CNBD1: variants seen among roughly 807,000 people sequenced by gnomAD.
CNBD1 encodes cyclic nucleotide binding domain containing 1.
In CNBD1, 71 loss-of-function variants were observed where a neutral mutation model predicts 54.4. That is an observed-to-expected ratio of 1.30 (90% CI 1.08 to 1.59). CNBD1 has a LOEUF of 1.59. Among genes scored for constraint, CNBD1 ranks in the 40% most tolerant of loss-of-function variants. CNBD1 has a pLI of 0.00. For missense variants in CNBD1, 659 were observed against 518.0 expected (o/e 1.27, Z -2.64); for synonymous variants, 182 against 170.7 (o/e 1.07, Z -0.51).
chr8:87,137,781 A>T (rs1010851776), intron 4 of CNBD1, among the ~76,000 whole-genome samples: 1 of 152,136 alleles, frequency 6.6e-6, no homozygotes. Flanking sequence ...GTTTGATTCA[A>T]AACAGTTATA....
intron 4 of CNBD1, among the ~76,000 whole-genome samples, chr8:87,015,354 T>C (rs528724211): frequency 8.2e-4 from 124 of 152,118 alleles, no homozygotes; most frequent in South Asian, 3.5e-3. Context: ...AGCTAACTTT[T>C]TTTTGTATTT....
At chr8:87,047,117 T>A (rs1018442820) in intron 4 of CNBD1, among the ~76,000 whole-genome samples, 1 of 152,096 alleles carries the variant, frequency 6.6e-6, no homozygotes, top group Non-Finnish European at 1.5e-5. Flanking sequence ...CTTTTAGAGA[T>A]TGTAAGTGTA....
At chr8:86,981,651 A>G (rs1233073841) in intron 4 of CNBD1, among the ~76,000 whole-genome samples, 1 of 152,164 alleles carries the variant, frequency 6.6e-6, no homozygotes, top group Non-Finnish European at 1.5e-5. Flanking sequence ...TTTAAACAGA[A>G]TCATATAGTG....
intron 2 of CNBD1, among the ~76,000 whole-genome samples, chr8:87,388,493 A>G (rs974391051): frequency 6.6e-6 from 1 of 152,228 alleles, no homozygotes; most frequent in Non-Finnish European, 1.5e-5. Context: ...ATAAACTAGA[A>G]AATCTAGAAG....
chr8:87,247,183 A>G (rs1027019902), intron 6 of CNBD1, among the ~76,000 whole-genome samples: 2 of 152,174 alleles, frequency 1.3e-5, no homozygotes, highest in African/African-American at 4.8e-5. Flanking sequence ...CATACTTTTA[A>G]GGCCACCATC....
intron 6 of CNBD1, among the ~76,000 whole-genome samples, chr8:87,240,564 T>C (rs540722305): frequency 6.6e-6 from 1 of 152,302 alleles, no homozygotes; most frequent in South Asian, 2.1e-4. Flanking sequence ...ACTTTCATGC[T>C]TGATACTCAG....
At chr8:87,211,026 G>A (rs1368478722) in intron 5 of CNBD1, among the ~76,000 whole-genome samples, 2 of 152,114 alleles carry the variant, frequency 1.3e-5, no homozygotes, top group Non-Finnish European at 2.9e-5. Context: ...GCAGAGACAT[G>A]GGGGCAGAGC....
intron 4 of CNBD1, among the ~76,000 whole-genome samples, chr8:86,999,716 C>A (rs954714964): frequency 4.6e-5 from 7 of 152,126 alleles, no homozygotes; most frequent in African/African-American, 1.7e-4. Context: ...ATATAAAACT[C>A]TAAAGTTTAT....
intron 1 of CNBD1, among the ~76,000 whole-genome samples, chr8:86,885,705 C>CA (rs1281621604): frequency 1.3e-5 from 2 of 152,128 alleles, no homozygotes; most frequent in East Asian, 3.9e-4. Flanking sequence ...CAACACCCTC[C>CA]ACGGAAAGAG....
At chr8:86,869,243 G>A (rs1424931918) in intron 1 of CNBD1, among the ~76,000 whole-genome samples, 1 of 152,142 alleles carries the variant, frequency 6.6e-6, no homozygotes, top group Non-Finnish European at 1.5e-5. Context: ...ACGTGTTCCA[G>A]TTTACACTTA....
At chr8:87,269,585 A>G (rs1039979758) in intron 6 of CNBD1, among the ~76,000 whole-genome samples, 2 of 151,986 alleles carry the variant, frequency 1.3e-5, no homozygotes, top group African/African-American at 2.4e-5. Context: ...TGTGTCATCT[A>G]TGATTTCTTT....
At chr8:87,417,925 C>T (rs1337372791) in intron 2 of CNBD1, among the ~76,000 whole-genome samples, 1 of 151,734 alleles carries the variant, frequency 6.6e-6, no homozygotes, top group Admixed American at 6.6e-5. Context: ...AATAGAAAGA[C>T]ATTGTATGTT....
At chr8:87,274,942 A>G (rs1808443578) in intron 6 of CNBD1, among the ~76,000 whole-genome samples, 1 of 133,578 alleles carries the variant, frequency 7.5e-6, no homozygotes, top group East Asian at 2.0e-4. Context: ...TCTTGAATTG[A>G]TTTTTGTATA....
intron 4 of CNBD1, among the ~76,000 whole-genome samples, chr8:87,137,526 C>A (rs929334870): frequency 6.6e-6 from 1 of 151,986 alleles, no homozygotes; most frequent in Non-Finnish European, 1.5e-5. Flanking sequence ...ATCTTGAAAA[C>A]AAACTTATAA....
At chr8:87,398,649 C>T (rs1382703516) in intron 2 of CNBD1, among the ~76,000 whole-genome samples, 2 of 152,004 alleles carry the variant, frequency 1.3e-5, no homozygotes, top group African/African-American at 4.8e-5. Context: ...TTATATTCCA[C>T]ACATGCCTTT....
At chr8:86,870,523 T>C (rs1487763347) in intron 1 of CNBD1, among the ~76,000 whole-genome samples, 1 of 152,114 alleles carries the variant, frequency 6.6e-6, no homozygotes, top group Admixed American at 6.5e-5. Context: ...TAAGCGAATG[T>C]TTTTCTTCGC....
At chr8:86,920,864 G>A (rs998012093) in intron 3 of CNBD1, among the ~76,000 whole-genome samples, 1 of 148,106 alleles carries the variant, frequency 6.8e-6, no homozygotes, top group African/African-American at 2.5e-5. Flanking sequence ...ATGATGAAGG[G>A]CTTCTCTGTA....
chr8:87,397,451 T>A (rs931280862), intron 2 of CNBD1, among the ~76,000 whole-genome samples: 3 of 151,936 alleles, frequency 2.0e-5, no homozygotes, highest in African/African-American at 4.8e-5. Context: ...TTTGCCTAAG[T>A]GCTGGGAAAT....
At chr8:87,398,908 A>G (rs1811454045) in intron 2 of CNBD1, among the ~76,000 whole-genome samples, 1 of 151,998 alleles carries the variant, frequency 6.6e-6, no homozygotes, top group Non-Finnish European at 1.5e-5. Flanking sequence ...AGACCCACCT[A>G]TTCTCCTGTG....
Sources: gnomAD v4.1 joint callset for allele counts (sites outside exome capture counted in the v4.1 genomes callset) on GRCh38, gnomAD v4.1.1 for gene constraint, MANE v1.5 for transcripts, NCBI Gene and HGNC (gene_info 2026-07-23, HGNC 2026-07-21) for gene names.